Variants in CNNM2 observed in about 807,000 individuals in gnomAD.
CNNM2 encodes the protein metal transporter CNNM2.
CNNM2 carries 12 observed loss-of-function variants against 66.9 expected under a neutral mutation model. The ratio of observed to expected loss-of-function variants is 0.18; its 90% CI spans 0.11 to 0.29. The LOEUF is 0.29. Among genes scored for constraint, CNNM2 ranks in the 10% least tolerant of loss-of-function variants. The pLI is 1.00. For missense variants in CNNM2, 705 were observed against 1,167.7 expected, an observed-to-expected ratio of 0.60 and a Z score of 5.77; for synonymous variants, 557 against 501.8, an observed-to-expected ratio of 1.11 and a Z score of -1.47.
At chr10:102,944,085 T>A (rs1243964613) in intron 1 of CNNM2, among the ~76,000 whole-genome samples, 1 of 112,178 alleles carries the variant, frequency 8.9e-6, no homozygotes, top group African/African-American at 3.3e-5. Context: ...TTCATAATTC[T>A]TTTTTTTTTT....
At chr10:102,921,806 C>T (rs1304900412) in intron 1 of CNNM2, among the ~76,000 whole-genome samples, 1 of 152,156 alleles carries the variant, frequency 6.6e-6, no homozygotes, top group Non-Finnish European at 1.5e-5. Context: ...CACATTTACT[C>T]ATGAATTGAT....
At chr10:102,956,515 G>A (rs772338796) in intron 1 of CNNM2, among the ~76,000 whole-genome samples, 1 of 152,098 alleles carries the variant, frequency 6.6e-6, no homozygotes, top group Non-Finnish European at 1.5e-5. Flanking sequence ...AAAGACACGT[G>A]CACACGTATG....
intron 1 of CNNM2, among the ~76,000 whole-genome samples, chr10:102,939,211 C>G (rs536064424): frequency 6.6e-6 from 1 of 152,294 alleles, no homozygotes; most frequent in East Asian, 1.9e-4. Context: ...GTAAATATTT[C>G]CTTAAGGCTT....
intron 1 of CNNM2, among the ~76,000 whole-genome samples, chr10:102,976,886 A>G (rs140955354): frequency 1.3e-5 from 2 of 152,172 alleles, no homozygotes; most frequent in Admixed American, 1.3e-4. Flanking sequence ...TTGTTGAATG[A>G]ATAAACAGGA....
chr10:102,918,930 C>T lies in CNNM2; in HGVS notation c.450C>T (p.Cys150=), dbSNP rs1845527567. Reference sequence around the variant, plus strand: ...AGCCGGACAGCGGCCCCCAGCGATGCGGCATCCGCACCTCAGACATCATCA... The same window carrying T: ...AGCCGGACAGCGGCCCCCAGCGATGTGGCATCCGCACCTCAGACATCATCA... ...PPEPDSGPQR[C]GIRTSDIIIL... is the part of the protein sequence containing the mutation. The change falls in exon 1 of 8, where the codon TGC becomes TGT. Residue 150 remains cysteine (C), a synonymous_variant. Coordinates refer to ENST00000369878, the MANE Select transcript of CNNM2 (RefSeq NM_017649.5). The surrounding 1 kb of genome is among the most constrained non-coding windows in gnomAD (Gnocchi z 4.1). 1.9e-6 allele frequency: 3 copies of T among 1,612,010 alleles called. No homozygotes were observed. Among genetic ancestry groups the T allele is most frequent in the Non-Finnish European group, 2.5e-6 (3 of 1,179,322 alleles).
rs1204942094 is a variant in CNNM2 at position 103,077,049 on chromosome 10, A to G, written c.2497A>G (p.Thr833Ala). Residue 833 changes from threonine (T) to alanine (A), a missense_variant, in exon 8 of 8, where the codon ACT becomes GCT. Thr to Ala is a moderately conservative substitution (Grantham distance 58). Coordinates refer to ENST00000369878, the MANE Select transcript of CNNM2 (RefSeq NM_017649.5). ...CCCCCAGTCTTCAGACAGTGAAAAC[A>G]CTAAAATCGAATTGACTCTTACGGA... ...KTPQSSDSEN[T>A]KIELTLTELH... 6.2e-7 allele frequency: 1 copy of G among 1,613,878 alleles called. No homozygotes were observed. Among genetic ancestry groups the G allele is most frequent in the Non-Finnish European group, 8.5e-7 (1 of 1,179,906 alleles).
intron 1 of CNNM2, among the ~76,000 whole-genome samples, chr10:103,015,767 C>T (rs1441228853): frequency 6.6e-6 from 1 of 152,054 alleles, no homozygotes; most frequent in African/African-American, 2.4e-5. Flanking sequence ...GCAGGAGAAT[C>T]GCTTGAACCC....
chr10:103,031,417 A>G (rs1242064473), intron 1 of CNNM2, among the ~76,000 whole-genome samples: 1 of 152,050 alleles, frequency 6.6e-6, no homozygotes, highest in Non-Finnish European at 1.5e-5. Context: ...ACTTTGATGT[A>G]TAGTTATTGG....
At chr10:102,937,933 G>A (rs773418773) in intron 1 of CNNM2, among the ~76,000 whole-genome samples, 4 of 151,764 alleles carry the variant, frequency 2.6e-5, no homozygotes, top group Admixed American at 6.6e-5. Context: ...CCCCAGAAAC[G>A]TTTAATTTAA....
intron 1 of CNNM2, among the ~76,000 whole-genome samples, chr10:102,961,490 T>C (rs2063379659): frequency 6.6e-6 from 1 of 152,202 alleles, no homozygotes; most frequent in Non-Finnish European, 1.5e-5. Context: ...ACATGTCTTA[T>C]AGAAATAAAT....
chr10:102,969,195 A>G (rs375087824), intron 1 of CNNM2, among the ~76,000 whole-genome samples: 17 of 150,546 alleles, frequency 1.1e-4, no homozygotes, highest in African/African-American at 3.7e-4. Context: ...GACTACAGGC[A>G]TGAGCCACTG....
intron 4 of CNNM2, among the ~76,000 whole-genome samples, chr10:103,067,112 T>TA (rs1564869086): frequency 6.6e-6 from 1 of 151,686 alleles, no homozygotes; most frequent in African/African-American, 2.4e-5. Flanking sequence ...TTTTTTTTTT[T>TA]CTTTGAGACA....
chr10:103,055,045 G>C (rs1310404838), intron 3 of CNNM2, among the ~76,000 whole-genome samples: 1 of 152,190 alleles, frequency 6.6e-6, no homozygotes, highest in Non-Finnish European at 1.5e-5. Context: ...CCTCAGATCA[G>C]ATTAACTCGA....
intron 1 of CNNM2, among the ~76,000 whole-genome samples, chr10:102,959,543 T>C (rs1431907731): frequency 6.6e-6 from 1 of 152,212 alleles, no homozygotes; most frequent in Non-Finnish European, 1.5e-5. Flanking sequence ...GGAAAGTTAC[T>C]TTAGCTTATC....
At chr10:103,075,523 C>A (rs1482745346) in intron 6 of CNNM2, among the ~76,000 whole-genome samples, 1 of 152,122 alleles carries the variant, frequency 6.6e-6, no homozygotes, top group African/African-American at 2.4e-5. Context: ...TTCTTGAATT[C>A]CTGAGACATC....
rs75219158 is a variant in CNNM2 at position 102,987,837 on chromosome 10, C to T, written c.1622-61870C>T. On this transcript the variant is annotated intron_variant, in intron 1 of 7. Transcript: ENST00000369878. ...GTGAAATGTGGGGCAGGAATTATCACTATTTTCCTTTGGAAATTAAGGTTC... is the reference window on the plus strand; with the variant it reads ...GTGAAATGTGGGGCAGGAATTATCATTATTTTCCTTTGGAAATTAAGGTTC... Among the ~76,000 whole-genome samples the T allele has an allele frequency of 0.077, 11,753 of 152,188 alleles. 539 individuals carry two copies. The highest frequency in any genetic ancestry group is 0.17 in the Middle Eastern group (49 of 294).
chr10:103,048,000 C>T, intron 1 of CNNM2, among the ~76,000 whole-genome samples: 1 of 152,064 alleles, frequency 6.6e-6, no homozygotes, highest in East Asian at 1.9e-4. Flanking sequence ...TGGCTCACTG[C>T]AACCTCCACC....
At chr10:102,979,812 A>G (rs1472051714) in intron 1 of CNNM2, among the ~76,000 whole-genome samples, 1 of 152,160 alleles carries the variant, frequency 6.6e-6, no homozygotes, top group African/African-American at 2.4e-5. Context: ...TTATTAAAAC[A>G]TAGCTGAAAA....
intron 1 of CNNM2, among the ~76,000 whole-genome samples, chr10:103,016,650 A>T (rs1311879088): frequency 6.6e-6 from 1 of 152,202 alleles, no homozygotes; most frequent in Non-Finnish European, 1.5e-5. Flanking sequence ...ACTTTCTATG[A>T]TGTAACTGGA....
Sources: allele counts gnomAD v4.1 joint callset (sites outside exome capture counted in the v4.1 genomes callset), GRCh38; gene constraint gnomAD v4.1.1; non-coding constraint Gnocchi (gnomAD v3.1); transcripts MANE v1.5; gene names NCBI Gene and HGNC (gene_info 2026-07-23, HGNC 2026-07-21).